The following SH3GL2 variants were observed in gnomAD, a reference collection of about 807,000 sequenced individuals.
The protein encoded by SH3GL2 is endophilin-A1.
A neutral mutation model predicts 46.0 loss-of-function variants in SH3GL2; 24 were observed. The observed-to-expected ratio is 0.52, with a 90% confidence interval of 0.38 to 0.73. The LOEUF (loss-of-function observed/expected upper bound fraction) is 0.73. Ranked by LOEUF, SH3GL2 falls within the 30% of genes least tolerant of loss-of-function variation. SH3GL2 has a pLI of 0.00. For synonymous variants in SH3GL2, 196 were observed against 147.1 expected, an observed-to-expected ratio of 1.33 and a Z score of -2.40; for missense variants, 413 against 424.2, an observed-to-expected ratio of 0.97 and a Z score of 0.23.
At chr9:17,736,319 CT>C (rs1346587296) in intron 1 of SH3GL2, among the ~76,000 whole-genome samples, 1 of 152,074 alleles carries the variant, frequency 6.6e-6, no homozygotes, top group Non-Finnish European at 1.5e-5. Flanking sequence ...AGGAATCCAT[CT>C]TTCTGAGTTT....
intron 1 of SH3GL2, among the ~76,000 whole-genome samples, chr9:17,671,730 C>T (rs1418258781): frequency 6.6e-6 from 1 of 152,200 alleles, no homozygotes; most frequent in Non-Finnish European, 1.5e-5. Context: ...CTGTTCTACA[C>T]ATAATTAACT....
rs1822712849 is a variant in SH3GL2 at position 17,747,144 on chromosome 9, C to T, written c.114+10C>T. The T allele has an allele frequency of 6.4e-7, 1 of 1,570,452 alleles. No homozygotes were observed. Among genetic ancestry groups the T allele is most frequent in the East Asian group, 2.2e-5 (1 of 44,480 alleles). On this transcript the variant is annotated intron_variant, in intron 2 of 8. Transcript: ENST00000380607. ...CAAAGAGATGGAAAGGGTAAGCCTTCACTACTGCCTAGTGTTCCCTTTGAC... is the reference window on the plus strand; with the variant it reads ...CAAAGAGATGGAAAGGGTAAGCCTTTACTACTGCCTAGTGTTCCCTTTGAC...
chr9:17,692,523 G>C (rs1017167524), intron 1 of SH3GL2, among the ~76,000 whole-genome samples: 1 of 151,942 alleles, frequency 6.6e-6, no homozygotes, highest in Non-Finnish European at 1.5e-5. Flanking sequence ...GTGCATGCCT[G>C]TAGTCCCAGC....
chr9:17,672,303 T>C (rs1820494904), intron 1 of SH3GL2, among the ~76,000 whole-genome samples: 1 of 152,250 alleles, frequency 6.6e-6, no homozygotes, highest in South Asian at 2.1e-4. Context: ...CAATATCATA[T>C]CTGTGTACCA....
chr9:17,780,469 G>A (rs1588329952), intron 3 of SH3GL2, among the ~76,000 whole-genome samples: 1 of 146,852 alleles, frequency 6.8e-6, no homozygotes, highest in Admixed American at 6.8e-5. Flanking sequence ...GAATAGCACA[G>A]TTTTTTTTTT....
intron 1 of SH3GL2, among the ~76,000 whole-genome samples, chr9:17,605,349 T>C (rs1283529552): frequency 2.6e-5 from 4 of 152,130 alleles, no homozygotes; most frequent in African/African-American, 9.7e-5. Flanking sequence ...TTCCTGACTG[T>C]TTTTCACTAG....
intron 3 of SH3GL2, among the ~76,000 whole-genome samples, chr9:17,782,604 C>G (rs1021060022): frequency 1.4e-4 from 21 of 152,238 alleles, no homozygotes; most frequent in African/African-American, 4.8e-4. Context: ...GAGACCTGCT[C>G]TCAAACCATC....
At chr9:17,667,725 A>G (rs932440266) in intron 1 of SH3GL2, among the ~76,000 whole-genome samples, 2 of 152,170 alleles carry the variant, frequency 1.3e-5, no homozygotes, top group Admixed American at 6.5e-5. Context: ...CTTTTGAGGT[A>G]CTGCCAGACT....
rs141836180 is a variant in SH3GL2, at chr9:17,767,360, G to A, written c.187+5851G>A. Among the ~76,000 whole-genome samples the A allele has an allele frequency of 3.2e-3, 485 of 152,232 alleles. 2 individuals are homozygous for A. The highest frequency in any genetic ancestry group is 0.012 in the African/African-American group (479 of 41,530). ...GTTTCAAAATGTACCATTAGTCCCT[G>A]GAAAGATACTCTATTAAAATTAGTG... On this transcript the variant is annotated intron_variant, in intron 3 of 8. Transcript: ENST00000380607.
chr9:17,710,978 T>C (rs1472225141), intron 1 of SH3GL2, among the ~76,000 whole-genome samples: 2 of 151,942 alleles, frequency 1.3e-5, no homozygotes, highest in African/African-American at 2.4e-5. Context: ...AGATATATGA[T>C]TGTGCACATT....
intron 1 of SH3GL2, among the ~76,000 whole-genome samples, chr9:17,738,626 T>TTTTTTATATATA (rs58272546): frequency 1.3e-5 from 1 of 74,814 alleles, no homozygotes; most frequent in South Asian, 5.4e-4. Context: ...TCATGTGATT[T>TTTTTTATATATA]TATATATATA....
intron 1 of SH3GL2, among the ~76,000 whole-genome samples, chr9:17,692,957 G>T (rs1406045664): frequency 1.3e-5 from 2 of 152,080 alleles, no homozygotes; most frequent in Non-Finnish European, 2.9e-5. Flanking sequence ...ACTATCATGA[G>T]AATAGCAAGG....
chr9:17,783,004 G>T (rs994501575), intron 3 of SH3GL2, among the ~76,000 whole-genome samples: 3 of 152,114 alleles, frequency 2.0e-5, no homozygotes, highest in Admixed American at 2.0e-4. Flanking sequence ...GCAGTTCTCT[G>T]TGCAACCAAG....
At chr9:17,772,623 A>G (rs1052714213) in intron 3 of SH3GL2, among the ~76,000 whole-genome samples, 1 of 152,120 alleles carries the variant, frequency 6.6e-6, no homozygotes, top group Non-Finnish European at 1.5e-5. Flanking sequence ...GCTTTATTTC[A>G]CTTGGCATAA....
intron 1 of SH3GL2, among the ~76,000 whole-genome samples, chr9:17,670,395 T>G (rs1820443476): frequency 6.6e-6 from 1 of 152,232 alleles, no homozygotes; most frequent in African/African-American, 2.4e-5. Flanking sequence ...CAATAGTTTT[T>G]TCTACCTCCT....
At chr9:17,658,818 C>G (rs946773501) in intron 1 of SH3GL2, among the ~76,000 whole-genome samples, 6 of 152,208 alleles carry the variant, frequency 3.9e-5, no homozygotes, top group Admixed American at 2.6e-4. Context: ...CAAGATGCCC[C>G]TGGAAATCAC....
chr9:17,698,415 ATC>A (rs1821261962), intron 1 of SH3GL2, among the ~76,000 whole-genome samples: 1 of 152,218 alleles, frequency 6.6e-6, no homozygotes, highest in Admixed American at 6.5e-5. Flanking sequence ...ATGGATGGAT[ATC>A]TCGGTATCTG....
chr9:17,672,431 A>G (rs1820497796), intron 1 of SH3GL2, among the ~76,000 whole-genome samples: 1 of 152,180 alleles, frequency 6.6e-6, no homozygotes, highest in African/African-American at 2.4e-5. Context: ...CTCAGGTTAG[A>G]GAATAGGGTG....
intron 7 of SH3GL2, 131 bp downstream of exon 7, chr9:17,791,465 T>A: frequency 1.5e-6 from 1 of 648,712 alleles, no homozygotes; most frequent in Admixed American, 2.8e-5. Flanking sequence ...CAGAGGCGCC[T>A]TGTGGATTGT....
Sources: allele counts gnomAD v4.1 joint callset (sites outside exome capture counted in the v4.1 genomes callset), GRCh38; gene constraint gnomAD v4.1.1; transcripts MANE v1.5; gene names NCBI Gene and HGNC (gene_info 2026-07-23, HGNC 2026-07-21).